MAF: variants seen among roughly 807,000 people sequenced by gnomAD.
The protein encoded by MAF is transcription factor Maf.
In MAF, 10 loss-of-function variants were observed where a neutral mutation model predicts 22.0. That is an observed-to-expected ratio of 0.45 (90% CI 0.28 to 0.77). The LOEUF (loss-of-function observed/expected upper bound fraction) is 0.77, where lower values mean the gene tolerates loss of function less well. Ranked by LOEUF, MAF falls within the 30% of genes least tolerant of loss-of-function variation. MAF has a pLI of 0.12. For missense variants in MAF, 544 were observed against 548.4 expected, an observed-to-expected ratio of 0.99 and a Z score of 0.08; for synonymous variants, 337 against 255.8, an observed-to-expected ratio of 1.32 and a Z score of -3.03.
the MAF span, among the ~76,000 whole-genome samples, chr16:79,554,894 C>G: frequency 6.6e-6 from 1 of 152,180 alleles, no homozygotes; most frequent in Non-Finnish European, 1.5e-5. Context: ...GCCCTGGCAT[C>G]TCTCACTACT....
At chr16:79,519,273 T>TGAA in the MAF span, among the ~76,000 whole-genome samples, 2 of 152,124 alleles carry the variant, frequency 1.3e-5, no homozygotes, top group Non-Finnish European at 2.9e-5. Flanking sequence ...CAGAGATCTC[T>TGAA]GAAGATAATG....
At chr16:79,264,339 C>T in the MAF span, 1 of 152,192 alleles carries the variant, frequency 6.6e-6, no homozygotes, top group Non-Finnish European at 1.5e-5. Context: ...GTGCTAAACA[C>T]ATTGGGTGTG....
the MAF span, among the ~76,000 whole-genome samples, chr16:79,333,912 G>C: frequency 6.6e-6 from 1 of 152,170 alleles, no homozygotes; most frequent in Non-Finnish European, 1.5e-5. Flanking sequence ...AAACCTATCT[G>C]ATGCCGGATC....
At chr16:79,308,926 C>T in the MAF span, among the ~76,000 whole-genome samples, 1 of 152,118 alleles carries the variant, frequency 6.6e-6, no homozygotes, top group Non-Finnish European at 1.5e-5. Flanking sequence ...AAAGCGTGGG[C>T]CCTTCTGGGG....
At chr16:79,349,615 G>T in the MAF span, among the ~76,000 whole-genome samples, 1,354 of 152,276 alleles carry the variant, frequency 8.9e-3, 10 homozygotes, top group African/African-American at 0.03. Context: ...TCACCCAGAG[G>T]ATAGCTGCTG....
chr16:79,240,064 G>C, the MAF span, among the ~76,000 whole-genome samples: 1 of 151,826 alleles, frequency 6.6e-6, no homozygotes, highest in Non-Finnish European at 1.5e-5. Flanking sequence ...CTCTTTGCTT[G>C]CAAAGAACAT....
the MAF span, among the ~76,000 whole-genome samples, chr16:79,573,724 T>C: frequency 2.9e-4 from 44 of 152,206 alleles, no homozygotes; most frequent in Non-Finnish European, 5.6e-4. Flanking sequence ...AACTTTCTAA[T>C]ATATGTCCAA....
At chr16:79,538,895 GAAAGA>G in the MAF span, among the ~76,000 whole-genome samples, 10 of 147,484 alleles carry the variant, frequency 6.8e-5, no homozygotes, top group Admixed American at 1.4e-4. Flanking sequence ...AAGAAAGAAA[GAAAGA>G]AAGAAAGAAA....
At chr16:79,208,467 A>C in the MAF span, among the ~76,000 whole-genome samples, 1 of 152,310 alleles carries the variant, frequency 6.6e-6, no homozygotes, top group East Asian at 1.9e-4. Context: ...ATGGATCAGT[A>C]AGCATTGATG....
the MAF span, among the ~76,000 whole-genome samples, chr16:79,221,587 C>T: frequency 6.6e-6 from 1 of 152,300 alleles, no homozygotes; most frequent in East Asian, 1.9e-4. Context: ...CAAAACAGAG[C>T]TTCTTAATCC....
chr16:79,221,379 C>G, the MAF span, among the ~76,000 whole-genome samples: 1 of 152,146 alleles, frequency 6.6e-6, no homozygotes, highest in Non-Finnish European at 1.5e-5. Flanking sequence ...GAATCCAGAA[C>G]CTTCCAGAAG....
the MAF span, among the ~76,000 whole-genome samples, chr16:79,323,586 G>A: frequency 6.6e-6 from 1 of 152,120 alleles, no homozygotes; most frequent in Non-Finnish European, 1.5e-5. Context: ...AAACGCACAC[G>A]CTCCCATGGG....
At chr16:79,543,320 C>G in the MAF span, among the ~76,000 whole-genome samples, 17,635 of 152,192 alleles carry the variant, frequency 0.12, 1,146 homozygotes, top group South Asian at 0.16. Flanking sequence ...GGGGATCAAT[C>G]CCGGTCAGAC....
chr16:79,224,207 T>G, the MAF span, among the ~76,000 whole-genome samples: 1 of 152,170 alleles, frequency 6.6e-6, no homozygotes, highest in Non-Finnish European at 1.5e-5. Flanking sequence ...TGGTTTAACA[T>G]ATGCAAATCA....
At chr16:79,387,569 C>T in the MAF span, among the ~76,000 whole-genome samples, 1 of 152,150 alleles carries the variant, frequency 6.6e-6, no homozygotes, top group East Asian at 1.9e-4. Flanking sequence ...GTGCACTCCA[C>T]TCTGAGGCTG....
At chr16:79,215,716 C>T in the MAF span, among the ~76,000 whole-genome samples, 7 of 152,298 alleles carry the variant, frequency 4.6e-5, no homozygotes, top group East Asian at 1.4e-3. Flanking sequence ...TACATTCATT[C>T]ATTTAACAAA....
At chr16:79,532,565 C>T in the MAF span, among the ~76,000 whole-genome samples, 2 of 152,170 alleles carry the variant, frequency 1.3e-5, no homozygotes, top group African/African-American at 4.8e-5. Flanking sequence ...TCTATAAACT[C>T]AGACAAGATT....
At chr16:79,252,644 C>G in the MAF span, among the ~76,000 whole-genome samples, 1 of 152,116 alleles carries the variant, frequency 6.6e-6, no homozygotes, top group Non-Finnish European at 1.5e-5. Flanking sequence ...CTCTCGGTAC[C>G]ACGCTTGGCT....
the MAF span, among the ~76,000 whole-genome samples, chr16:79,433,573 G>A: frequency 6.6e-6 from 1 of 151,982 alleles, no homozygotes; most frequent in Non-Finnish European, 1.5e-5. Flanking sequence ...AGAACTAGAT[G>A]TAAGTCCCTT....
Sources: gnomAD v4.1 joint callset for allele counts (sites outside exome capture counted in the v4.1 genomes callset) on GRCh38, gnomAD v4.1.1 for gene constraint, MANE v1.5 for transcripts, NCBI Gene and HGNC (gene_info 2026-07-23, HGNC 2026-07-21) for gene names.